Variants in FRAS1 observed in about 807,000 individuals in gnomAD.
The protein encoded by FRAS1 is extracellular matrix organizing protein FRAS1.
FRAS1 carries 290 observed loss-of-function variants against 435.2 expected under a neutral mutation model. The observed-to-expected ratio is 0.67, with a 90% CI of 0.61 to 0.73. The LOEUF (loss-of-function observed/expected upper bound fraction) is 0.73. Among genes scored for constraint, FRAS1 ranks in the 30% least tolerant of loss-of-function variants. The pLI is 0.00. For missense variants in FRAS1, 4,860 were observed against 5,001.5 expected, an observed-to-expected ratio of 0.97 and a Z score of 0.85; for synonymous variants, 1,800 against 1,851.0, an observed-to-expected ratio of 0.97 and a Z score of 0.71.
chr4:78,470,644 C>T (rs145703775), intron 51 of FRAS1, among the ~76,000 whole-genome samples: 1 of 152,040 alleles, frequency 6.6e-6, no homozygotes, highest in African/African-American at 2.4e-5. Context: ...GCATTTGTGC[C>T]ATGTGAGGTA....
intron 13 of FRAS1, 80 bp downstream of exon 13, chr4:78,284,628 G>C: frequency 1.5e-6 from 2 of 1,328,032 alleles, no homozygotes; most frequent in Non-Finnish European, 2.1e-6. Context: ...TTAAACTGAG[G>C]CTCAGTATTG....
At chr4:78,311,475 A>G (rs1042866362) in intron 15 of FRAS1, among the ~76,000 whole-genome samples, 1 of 152,044 alleles carries the variant, frequency 6.6e-6, no homozygotes, top group African/African-American at 2.4e-5. Flanking sequence ...CCACGCTCCC[A>G]GTGTTGGACT....
At chr4:78,166,342 G>A (rs947975399) in intron 2 of FRAS1, among the ~76,000 whole-genome samples, 1 of 151,980 alleles carries the variant, frequency 6.6e-6, no homozygotes, top group African/African-American at 2.4e-5. Context: ...ATAGGACATA[G>A]AATAGTAAGA....
Position 78,266,842 on chromosome 4 carries a change from G to C in FRAS1, c.696G>C (p.Glu232Asp). ...SAAGQVYEHG[E>D]QWSENACTTC... is the part of the protein sequence containing the mutation. The stretch of plus-strand genomic sequence containing the variant: ...TTCCTGTCTTCATGCAGCATGGTGA[G>C]CAGTGGAGCGAAAATGCCTGCACCA... Residue 232 changes from glutamate (E) to aspartate (D), a missense_variant, in exon 8 of 74, where the codon GAG becomes GAC. Glu to Asp is a conservative substitution (Grantham distance 45). Transcript: ENST00000512123. 6.2e-7 allele frequency: 1 copy of C among 1,600,022 alleles called. No homozygotes were observed. The highest frequency in any genetic ancestry group is 8.5e-7 in the Non-Finnish European group (1 of 1,172,782).
chr4:78,516,026 G>T lies in FRAS1; in HGVS notation c.10389+13G>T. 1 of 1,604,104 alleles carries T rather than the reference G, an allele frequency of 6.2e-7. No individual in the cohort carries two copies. The highest frequency in any genetic ancestry group is 8.5e-7 in the Non-Finnish European group (1 of 1,173,828). The stretch of plus-strand genomic sequence containing the variant: ...CGCTGACTTCCAGGTAGGTGCCCCG[G>T]GGCTTGTCTGAGGACTCTGCATATG... On this transcript the variant is annotated intron_variant, in intron 66 of 73. Transcript: ENST00000512123.
At chr4:78,405,312 A>G (rs777571305) in intron 30 of FRAS1, among the ~76,000 whole-genome samples, 8 of 152,176 alleles carry the variant, frequency 5.3e-5, no homozygotes, top group Non-Finnish European at 1.2e-4. Flanking sequence ...TTGCAACTGT[A>G]CTCACATTCA....
At chr4:78,206,383 A>G (rs1723257823) in intron 2 of FRAS1, among the ~76,000 whole-genome samples, 1 of 152,182 alleles carries the variant, frequency 6.6e-6, no homozygotes, top group Non-Finnish European at 1.5e-5. Context: ...GCCTTAAGAA[A>G]GAAGCTGCCC....
At position 78,108,544 on chromosome 4, in the gene FRAS1, AAACC is replaced by A. The variant is rs1742514456; in HGVS notation, c.108+42532_108+42535del. 1.9e-5 allele frequency among the ~76,000 whole-genome samples: 2 copies of A among 102,626 alleles called. 1 individual carries two copies. Among genetic ancestry groups the A allele is most frequent in the Non-Finnish European group, 3.9e-5 (2 of 51,512 alleles). The allele number at this position is 102,626 out of a possible 152,430, so 67.3% of individuals were successfully genotyped here. On this transcript the variant is annotated intron_variant, in intron 2 of 73. Transcript: ENST00000512123. Reference sequence around the variant, plus strand: ...AAGGCAGAAATAAAGATGTTCTTTGAAACCAACGAGAACAAAGACACCACATGCC... The same window carrying A: ...AAGGCAGAAATAAAGATGTTCTTTGAAACGAGAACAAAGACACCACATGCC...
chr4:78,320,202 C>A (rs867595237), intron 18 of FRAS1, among the ~76,000 whole-genome samples: 1 of 152,178 alleles, frequency 6.6e-6, no homozygotes, highest in Non-Finnish European at 1.5e-5. Flanking sequence ...GGTTTCTACC[C>A]ATGTATGCAT....
intron 44 of FRAS1, among the ~76,000 whole-genome samples, chr4:78,448,531 G>A (rs942584791): frequency 6.6e-6 from 1 of 152,134 alleles, no homozygotes; most frequent in African/African-American, 2.4e-5. Flanking sequence ...TGGACCAAAT[G>A]CTTATGTCTG....
At chr4:78,118,967 C>G (rs1443500930) in intron 2 of FRAS1, among the ~76,000 whole-genome samples, 2 of 151,862 alleles carry the variant, frequency 1.3e-5, no homozygotes, top group East Asian at 1.9e-4. Context: ...GCTCCACCAC[C>G]TTATTTATTT....
chr4:78,101,354 T>C (rs574673067), intron 2 of FRAS1, among the ~76,000 whole-genome samples: 1 of 152,288 alleles, frequency 6.6e-6, no homozygotes, highest in Admixed American at 6.5e-5. Context: ...TTTTTTCACA[T>C]ATAGGCATGA....
At chr4:78,445,044 A>G (rs949550509) in intron 41 of FRAS1, among the ~76,000 whole-genome samples, 1 of 152,190 alleles carries the variant, frequency 6.6e-6, no homozygotes, top group African/African-American at 2.4e-5. Context: ...AACACTACAG[A>G]TGTTTTTAGA....
At chr4:78,145,540 A>T (rs1720380619) in intron 2 of FRAS1, among the ~76,000 whole-genome samples, 1 of 152,152 alleles carries the variant, frequency 6.6e-6, no homozygotes, top group South Asian at 2.1e-4. Flanking sequence ...CATTGAAGGA[A>T]GGGTTAGAGA....
At chr4:78,498,731 A>C (rs1226333000) in intron 60 of FRAS1, among the ~76,000 whole-genome samples, 2 of 152,034 alleles carry the variant, frequency 1.3e-5, no homozygotes, top group Non-Finnish European at 2.9e-5. Context: ...CATTACTCTC[A>C]ATTTTTCCAT....
intron 26 of FRAS1, among the ~76,000 whole-genome samples, chr4:78,376,321 A>G (rs1363121092): frequency 6.6e-6 from 1 of 152,210 alleles, no homozygotes; most frequent in East Asian, 1.9e-4. Flanking sequence ...CACCAAGGCT[A>G]TAAAAATATA....
chr4:78,219,306 GT>G (rs1304165254), intron 2 of FRAS1, among the ~76,000 whole-genome samples: 1 of 151,968 alleles, frequency 6.6e-6, no homozygotes, highest in Non-Finnish European at 1.5e-5. Flanking sequence ...ATTTTCATGA[GT>G]ATGTTTTATT....
chr4:78,440,820 T>C (rs1017012689), intron 40 of FRAS1, among the ~76,000 whole-genome samples: 19 of 152,132 alleles, frequency 1.2e-4, no homozygotes, highest in African/African-American at 4.6e-4. Context: ...CTTTTGAATG[T>C]TGATGTGGAA....
chr4:78,260,654 G>T (rs1299455195), intron 6 of FRAS1, among the ~76,000 whole-genome samples: 1 of 152,012 alleles, frequency 6.6e-6, no homozygotes, highest in Non-Finnish European at 1.5e-5. Flanking sequence ...TGCAAACAGG[G>T]ACAATTTGAC....
Sources: gnomAD v4.1 joint callset for allele counts (sites outside exome capture counted in the v4.1 genomes callset) on GRCh38, gnomAD v4.1.1 for gene constraint, MANE v1.5 for transcripts, NCBI Gene and HGNC (gene_info 2026-07-23, HGNC 2026-07-21) for gene names.